SCHIP1: variants seen among roughly 807,000 people sequenced by gnomAD.
SCHIP1 encodes schwannomin-interacting protein 1.
A neutral mutation model predicts 29.7 loss-of-function variants in SCHIP1; 8 were observed. The ratio of observed to expected loss-of-function variants is 0.27; its 90% confidence interval spans 0.16 to 0.49. The LOEUF (loss-of-function observed/expected upper bound fraction) is 0.49, where lower values mean the gene tolerates loss of function less well. SCHIP1 is among the 20% of genes least tolerant of loss of function. The pLI is 0.99. For synonymous variants in SCHIP1, 76 were observed against 94.9 expected (o/e 0.80, Z 1.16); for missense variants, 193 against 294.6 (o/e 0.66, Z 2.52).
chr3:159,536,409 T>C, the SCHIP1 span, among the ~76,000 whole-genome samples: 2 of 152,198 alleles, frequency 1.3e-5, no homozygotes, highest in African/African-American at 4.8e-5. Context: ...TAATGGAAAT[T>C]AGCCAGTCAG....
At chr3:159,368,601 A>T in the SCHIP1 span, among the ~76,000 whole-genome samples, 1 of 152,216 alleles carries the variant, frequency 6.6e-6, no homozygotes, top group Non-Finnish European at 1.5e-5. Flanking sequence ...TTCATGAAAT[A>T]AAAATTTGAC....
chr3:159,825,900 AC>A, the SCHIP1 span, among the ~76,000 whole-genome samples: 1 of 152,170 alleles, frequency 6.6e-6, no homozygotes, highest in Non-Finnish European at 1.5e-5. Context: ...AGGTTGAGAA[AC>A]AGCTTGTGTG....
At chr3:159,616,886 A>G in the SCHIP1 span, among the ~76,000 whole-genome samples, 1 of 152,204 alleles carries the variant, frequency 6.6e-6, no homozygotes, top group Non-Finnish European at 1.5e-5. Context: ...AGCCACATGT[A>G]GCCATTTACA....
chr3:159,336,268 C>T, the SCHIP1 span, among the ~76,000 whole-genome samples: 1 of 152,128 alleles, frequency 6.6e-6, no homozygotes, highest in Non-Finnish European at 1.5e-5. Context: ...GAGTAGATTG[C>T]AAAAATTTTC....
At chr3:159,667,479 G>GT in the SCHIP1 span, among the ~76,000 whole-genome samples, 1 of 152,186 alleles carries the variant, frequency 6.6e-6, no homozygotes, top group Non-Finnish European at 1.5e-5. Context: ...GATGATCAGG[G>GT]CATCCAATGA....
the SCHIP1 span, chr3:159,763,811 C>T: frequency 6.6e-6 from 1 of 152,362 alleles, no homozygotes; most frequent in South Asian, 2.1e-4. Flanking sequence ...CCCGAGCCTT[C>T]CGGCGGGTGG....
At chr3:159,690,820 A>G in the SCHIP1 span, among the ~76,000 whole-genome samples, 1 of 152,148 alleles carries the variant, frequency 6.6e-6, no homozygotes, top group African/African-American at 2.4e-5. Flanking sequence ...GGCTTCAAAG[A>G]ACTTGTTTAT....
the SCHIP1 span, among the ~76,000 whole-genome samples, chr3:159,275,721 T>G: frequency 1.3e-5 from 2 of 152,202 alleles, no homozygotes; most frequent in African/African-American, 4.8e-5. Context: ...TACAAGCACA[T>G]GTTTGCTTCT....
the SCHIP1 span, among the ~76,000 whole-genome samples, chr3:159,320,511 G>A: frequency 6.6e-6 from 1 of 152,164 alleles, no homozygotes; most frequent in Admixed American, 6.5e-5. Context: ...CCTGGTTCTG[G>A]TGGTTCAGCT....
chr3:159,485,292 A>G, the SCHIP1 span, among the ~76,000 whole-genome samples: 1 of 152,188 alleles, frequency 6.6e-6, no homozygotes, highest in Non-Finnish European at 1.5e-5. Flanking sequence ...GTGACTTTGA[A>G]TAGTTACTTC....
At chr3:159,347,006 C>T in the SCHIP1 span, among the ~76,000 whole-genome samples, 1 of 116,454 alleles carries the variant, frequency 8.6e-6, no homozygotes, top group Non-Finnish European at 1.9e-5. Flanking sequence ...GGAGGAATTA[C>T]ACTGTGCCTC....
At chr3:159,663,016 T>C in the SCHIP1 span, among the ~76,000 whole-genome samples, 1 of 152,326 alleles carries the variant, frequency 6.6e-6, no homozygotes. Context: ...GGGATGTGTG[T>C]CTTGGGTAGA....
chr3:159,790,059 C>A, the SCHIP1 span, among the ~76,000 whole-genome samples: 1 of 152,164 alleles, frequency 6.6e-6, no homozygotes, highest in Non-Finnish European at 1.5e-5. Context: ...CCCAAGGCCC[C>A]CCTCTACCTG....
chr3:159,520,350 A>G, the SCHIP1 span, among the ~76,000 whole-genome samples: 2 of 152,158 alleles, frequency 1.3e-5, no homozygotes, highest in African/African-American at 2.4e-5. Flanking sequence ...TGACTAAGGT[A>G]CTGACAAGAA....
At chr3:159,520,316 G>A in the SCHIP1 span, among the ~76,000 whole-genome samples, 1 of 152,056 alleles carries the variant, frequency 6.6e-6, no homozygotes, top group Non-Finnish European at 1.5e-5. Flanking sequence ...CAGGACCGGA[G>A]CTTCCCGGGC....
chr3:159,297,993 G>T, the SCHIP1 span, among the ~76,000 whole-genome samples: 1 of 152,130 alleles, frequency 6.6e-6, no homozygotes, highest in Non-Finnish European at 1.5e-5. Flanking sequence ...TATTTGTGTG[G>T]TGCCAGTCTT....
chr3:159,353,043 A>G, the SCHIP1 span, among the ~76,000 whole-genome samples: 1 of 152,120 alleles, frequency 6.6e-6, no homozygotes, highest in Non-Finnish European at 1.5e-5. Context: ...ACCCTTTTTC[A>G]TGCTAAGAGT....
At chr3:159,618,862 T>C in the SCHIP1 span, among the ~76,000 whole-genome samples, 1 of 152,236 alleles carries the variant, frequency 6.6e-6, no homozygotes. Flanking sequence ...TGGTGGGCTG[T>C]TGATTGCATC....
the SCHIP1 span, chr3:159,763,704 G>C: frequency 6.6e-6 from 1 of 152,250 alleles, no homozygotes; most frequent in African/African-American, 2.4e-5. Flanking sequence ...GGGCGGTGAC[G>C]GCGCCTGCAG....
Sources: allele counts gnomAD v4.1 joint callset (sites outside exome capture counted in the v4.1 genomes callset), GRCh38; gene constraint gnomAD v4.1.1; transcripts MANE v1.5; gene names NCBI Gene and HGNC (gene_info 2026-07-23, HGNC 2026-07-21).